The following ARL15 variants were observed in gnomAD, a reference collection of about 807,000 sequenced individuals.
The protein encoded by ARL15 is ARF like GTPase 15.
ARL15 carries 19 observed loss-of-function variants against 25.2 expected under a neutral mutation model. The ratio of observed to expected loss-of-function variants is 0.75; its 90% confidence interval spans 0.53 to 1.10. The LOEUF (loss-of-function observed/expected upper bound fraction) is 1.10, where lower values mean the gene tolerates loss of function less well. ARL15 is among the 50% of genes least tolerant of loss of function. The pLI is 0.00. For synonymous variants in ARL15, 94 were observed against 86.8 expected, an observed-to-expected ratio of 1.08 and a Z score of -0.46; for missense variants, 220 against 246.0, an observed-to-expected ratio of 0.89 and a Z score of 0.71.
intron 4 of ARL15, among the ~76,000 whole-genome samples, chr5:54,069,294 G>C (rs73112680): frequency 0.089 from 13,606 of 152,066 alleles, 792 homozygotes; most frequent in African/African-American, 0.16. Context: ...ATCCTGGCTG[G>C]GCTCAGTGGC....
chr5:54,060,210 G>A (rs1242036261), intron 4 of ARL15, among the ~76,000 whole-genome samples: 1 of 151,914 alleles, frequency 6.6e-6, no homozygotes, highest in Non-Finnish European at 1.5e-5. Flanking sequence ...TGAGGTGGGT[G>A]GATCATGAGG....
intron 4 of ARL15, among the ~76,000 whole-genome samples, chr5:54,017,587 G>GA (rs34358029): frequency 4.3e-4 from 57 of 131,492 alleles, no homozygotes; most frequent in African/African-American, 6.6e-4. Context: ...CTTTGTGGAA[G>GA]AAAAAAAAAA....
At chr5:53,895,926 C>T (rs1464151703) in intron 4 of ARL15, among the ~76,000 whole-genome samples, 4 of 152,192 alleles carry the variant, frequency 2.6e-5, no homozygotes, top group Non-Finnish European at 5.9e-5. Flanking sequence ...AGTTCTGGTA[C>T]ATTCTAAATG....
chr5:54,023,991 A>C, intron 4 of ARL15, among the ~76,000 whole-genome samples: 1 of 151,840 alleles, frequency 6.6e-6, no homozygotes. Context: ...CTTCCCCATC[A>C]CCCTTTCCCC....
intron 4 of ARL15, among the ~76,000 whole-genome samples, chr5:53,996,422 C>T (rs1748672927): frequency 6.6e-6 from 1 of 151,942 alleles, no homozygotes; most frequent in Admixed American, 6.6e-5. Flanking sequence ...AGTTCAAGAC[C>T]AGCTTTGCCA....
chr5:53,994,349 T>G (rs575216123), intron 4 of ARL15, among the ~76,000 whole-genome samples: 5 of 152,374 alleles, frequency 3.3e-5, no homozygotes, highest in South Asian at 4.1e-4. Flanking sequence ...AGTGATTACT[T>G]GTGGAAACTG....
At chr5:54,128,001 C>T (rs1753315568) in intron 3 of ARL15, among the ~76,000 whole-genome samples, 1 of 152,306 alleles carries the variant, frequency 6.6e-6, no homozygotes, top group South Asian at 2.1e-4. Flanking sequence ...TTCCTTACAC[C>T]TTATACAAAA....
intron 2 of ARL15, among the ~76,000 whole-genome samples, chr5:54,161,043 CAT>C: frequency 6.6e-6 from 1 of 152,036 alleles, no homozygotes; most frequent in Non-Finnish European, 1.5e-5. Flanking sequence ...AATTCAAATG[CAT>C]AGTTTTCCAT....
intron 2 of ARL15, among the ~76,000 whole-genome samples, chr5:54,166,438 T>A (rs1754569581): frequency 2.0e-5 from 3 of 152,104 alleles, no homozygotes; most frequent in Non-Finnish European, 4.4e-5. Flanking sequence ...TGGCCTCAAG[T>A]GATACTTCCG....
intron 4 of ARL15, among the ~76,000 whole-genome samples, chr5:53,959,224 T>G (rs182248592): frequency 6.6e-6 from 1 of 152,302 alleles, no homozygotes; most frequent in African/African-American, 2.4e-5. Context: ...TTTAAAAAAA[T>G]TTTGTTTCAT....
intron 3 of ARL15, among the ~76,000 whole-genome samples, chr5:54,143,368 GC>G (rs1300638669): frequency 6.6e-6 from 1 of 151,652 alleles, no homozygotes; most frequent in Non-Finnish European, 1.5e-5. Flanking sequence ...AATGATCTTT[GC>G]TTGAATTCTA....
At chr5:54,107,263 T>A (rs937030745) in intron 4 of ARL15, among the ~76,000 whole-genome samples, 5 of 152,136 alleles carry the variant, frequency 3.3e-5, no homozygotes, top group African/African-American at 7.2e-5. Flanking sequence ...CACGTGAGAA[T>A]TCTGGGAGAT....
At chr5:54,087,940 T>C (rs964161060) in intron 4 of ARL15, among the ~76,000 whole-genome samples, 6 of 152,210 alleles carry the variant, frequency 3.9e-5, no homozygotes, top group Non-Finnish European at 7.3e-5. Flanking sequence ...CCTCGCAAAG[T>C]GCTGGGATTA....
chr5:53,913,378 C>T (rs1745529127), intron 4 of ARL15, among the ~76,000 whole-genome samples: 1 of 152,168 alleles, frequency 6.6e-6, no homozygotes, highest in African/African-American at 2.4e-5. Context: ...TTTAGTCACT[C>T]CTTGAACTCA....
intron 3 of ARL15, among the ~76,000 whole-genome samples, chr5:54,122,418 T>C (rs986265536): frequency 1.3e-5 from 2 of 152,274 alleles, no homozygotes; most frequent in Non-Finnish European, 2.9e-5. Flanking sequence ...TTTGTCCACA[T>C]GTGCACGTGC....
intron 4 of ARL15, among the ~76,000 whole-genome samples, chr5:54,089,879 C>T (rs1752082056): frequency 1.3e-5 from 2 of 152,094 alleles, no homozygotes; most frequent in Non-Finnish European, 2.9e-5. Flanking sequence ...ATGTATATTT[C>T]TTGTATTTTA....
chr5:54,268,763 C>T (rs1182029723), intron 1 of ARL15, among the ~76,000 whole-genome samples: 1 of 152,182 alleles, frequency 6.6e-6, no homozygotes, highest in African/African-American at 2.4e-5. Flanking sequence ...TATAAAGACA[C>T]ATGCACACAT....
At chr5:54,109,842 C>G (rs1752690415) in intron 4 of ARL15, among the ~76,000 whole-genome samples, 1 of 151,894 alleles carries the variant, frequency 6.6e-6, no homozygotes, top group South Asian at 2.1e-4. Context: ...TTCACCTCCC[C>G]AAAGTGAATA....
intron 4 of ARL15, among the ~76,000 whole-genome samples, chr5:54,094,673 A>T (rs1476844773): frequency 1.3e-5 from 2 of 152,220 alleles, no homozygotes; most frequent in Non-Finnish European, 2.9e-5. Flanking sequence ...CTATAAAGCA[A>T]ACAGTTCTGA....
Sources: gnomAD v4.1 joint callset for allele counts (sites outside exome capture counted in the v4.1 genomes callset) on GRCh38, gnomAD v4.1.1 for gene constraint, MANE v1.5 for transcripts, NCBI Gene and HGNC (gene_info 2026-07-23, HGNC 2026-07-21) for gene names.